Variants in C11orf42 observed in about 807,000 individuals in gnomAD.
C11orf42 encodes the protein uncharacterized protein C11orf42.
C11orf42 carries 24 observed loss-of-function variants against 27.9 expected under a neutral mutation model. That is an observed-to-expected ratio of 0.86 (90% CI 0.62 to 1.21). The LOEUF (loss-of-function observed/expected upper bound fraction) is 1.21. Among genes scored for constraint, C11orf42 ranks in the 50% most tolerant of loss-of-function variants. C11orf42 has a pLI of 0.00. For missense variants in C11orf42, 455 were observed against 424.1 expected, an observed-to-expected ratio of 1.07 and a Z score of -0.64; for synonymous variants, 187 against 180.8, an observed-to-expected ratio of 1.03 and a Z score of -0.28.
chr11:6,209,513 A>G (rs1311125966), intron 1 of C11orf42, among the ~76,000 whole-genome samples: 1 of 152,160 alleles, frequency 6.6e-6, no homozygotes, highest in East Asian at 1.9e-4. Context: ...CTTTCCATGA[A>G]AGGTAAAGAC....
rs778877180 is a variant in C11orf42 at position 6,210,865 on chromosome 11, A to G, written c.872-47A>G. 81 of 1,529,658 alleles carry G rather than the reference A, an allele frequency of 5.3e-5. No homozygotes were observed. Among genetic ancestry groups the G allele is most frequent in the Middle Eastern group, 2.3e-4 (1 of 4,340 alleles). The allele number at this position is 1,529,658 out of a possible 1,614,324, so 94.8% of individuals were successfully genotyped here. On this transcript the variant is annotated intron_variant, in intron 2 of 2. Coordinates refer to ENST00000316375, the MANE Select transcript of C11orf42 (RefSeq NM_173525.3). This position sits in a 1 kb window ranked among gnomAD's most constrained non-coding sequence, Gnocchi z 4.0. Reference sequence around the variant, plus strand: ...GACCAGAGGGAAAAGCTAGGGGGGGAAAAGACCAGCCATGAGTCAAGCTGT... The same window carrying G: ...GACCAGAGGGAAAAGCTAGGGGGGGGAAAGACCAGCCATGAGTCAAGCTGT...
At position 6,210,902 on chromosome 11, in the gene C11orf42, A is replaced by T; in HGVS notation, c.872-10A>T. On this transcript the variant is annotated splice_polypyrimidine_tract_variant and intron_variant, in intron 2 of 2. Transcript: ENST00000316375. This position sits in a 1 kb window ranked among gnomAD's most constrained non-coding sequence, Gnocchi z 4.0. The stretch of plus-strand genomic sequence containing the variant: ...ATGAGTCAAGCTGTGACTATCCCCA[A>T]CCCTGGCAGAGAACTGGCTCTTCAG... The T allele has an allele frequency of 1.9e-6, 3 of 1,599,344 alleles. No individual in the cohort carries two copies. In the South Asian group the frequency reaches 3.4e-5, roughly 18 times the overall value.
intron 1 of C11orf42, among the ~76,000 whole-genome samples, chr11:6,206,873 G>A (rs1798740202): frequency 6.6e-6 from 1 of 152,236 alleles, no homozygotes; most frequent in African/African-American, 2.4e-5. Context: ...TCGGGGTAGA[G>A]ATATGCAGGA....
rs373015994 is a variant in C11orf42 at position 6,210,556 on chromosome 11, C to T, written c.779C>T (p.Thr260Met). ...DVPPPVPAPP[T>M]PPPQEGPEDK... The stretch of plus-strand genomic sequence containing the variant: ...CCCCCACCTGTCCCAGCCCCACCTA[C>T]GCCACCTCCCCAGGAAGGGCCAGAG... The change falls in exon 2 of 3, where the codon ACG (threonine) becomes ATG (methionine). Residue 260 changes from threonine to methionine, a missense_variant. Thr to Met is a moderately conservative substitution (Grantham distance 81, BLOSUM62 -1). Coordinates refer to ENST00000316375, the MANE Select transcript of C11orf42 (RefSeq NM_173525.3). The surrounding 1 kb of genome is among the most constrained non-coding windows in gnomAD (Gnocchi z 4.0). The T allele has an allele frequency of 3.8e-5, 61 of 1,613,750 alleles. No homozygotes were observed. The highest frequency in any genetic ancestry group is 1.2e-4 in the Admixed American group (7 of 59,970).
In C11orf42 at chr11:6,210,384, C is replaced by G; in HGVS notation, c.607C>G (p.Gln203Glu). 6.2e-7 allele frequency: 1 copy of G among 1,614,226 alleles called. No individual in the cohort carries two copies. Among genetic ancestry groups the G allele is most frequent in the Non-Finnish European group, 8.5e-7 (1 of 1,180,042 alleles). ...CTTCTCCTGCCTCAAGTTTTCACTG[C>G]AGTCTAAGGGCGTGCTGGGACCACA... ...VAFSCLKFSL[Q>E]SKGVLGPQKP... Residue 203 changes from glutamine (Q) to glutamate (E), a missense_variant, in exon 2 of 3, where the codon CAG becomes GAG. Gln to Glu is a conservative substitution (Grantham distance 29). Transcript: ENST00000316375. This position sits in a 1 kb window ranked among gnomAD's most constrained non-coding sequence, Gnocchi z 4.0.
In C11orf42 at chr11:6,210,506, T is replaced by C; in HGVS notation, c.729T>C (p.Ala243=). The C allele has an allele frequency of 6.2e-7, 1 of 1,613,726 alleles. No homozygotes were observed. Among genetic ancestry groups the C allele is most frequent in the African/African-American group, 1.3e-5 (1 of 74,992 alleles). Residue 243 remains alanine, a synonymous_variant, in exon 2 of 3, where the codon GCT becomes GCC. Coordinates refer to ENST00000316375, the MANE Select transcript of C11orf42 (RefSeq NM_173525.3). This position sits in a 1 kb window ranked among gnomAD's most constrained non-coding sequence, Gnocchi z 4.0. ...CTCTGGCCCCCACATCAGCACCTGCTGATACAACTGAAGCTGCTGATGTGC... is the reference window on the plus strand; with the variant it reads ...CTCTGGCCCCCACATCAGCACCTGCCGATACAACTGAAGCTGCTGATGTGC... ...MPPLAPTSAP[A]DTTEAADVPP...
intron 1 of C11orf42, among the ~76,000 whole-genome samples, chr11:6,208,495 C>G (rs1449977886): frequency 6.6e-6 from 1 of 152,186 alleles, no homozygotes; most frequent in Non-Finnish European, 1.5e-5. Context: ...GGTGCCATCT[C>G]GGCTCACTGC....
chr11:6,207,621 G>T (rs1316646237), intron 1 of C11orf42, among the ~76,000 whole-genome samples: 1 of 152,122 alleles, frequency 6.6e-6, no homozygotes, highest in African/African-American at 2.4e-5. Context: ...CCTTCTCAGA[G>T]CCCCACCCAA....
chr11:6,209,730 A>G (rs940267289), intron 1 of C11orf42, 120 bp from the exon 2 acceptor site: 21 of 1,000,580 alleles, frequency 2.1e-5, no homozygotes, highest in Middle Eastern at 5.0e-4. Flanking sequence ...GTAAGCAGAA[A>G]GCATAAATCT....
chr11:6,208,037 A>G (rs1449104160), intron 1 of C11orf42, among the ~76,000 whole-genome samples: 1 of 152,186 alleles, frequency 6.6e-6, no homozygotes, highest in Admixed American at 6.5e-5. Context: ...TCCCTAGTAG[A>G]GCAGAGAACC....
chr11:6,205,746 G>C, intron 1 of C11orf42, 59 bp downstream of exon 1: 1 of 1,404,156 alleles, frequency 7.1e-7, no homozygotes, highest in Non-Finnish European at 1.0e-6. Context: ...ATGGGTCTCA[G>C]CAGCTTGTGA....
At position 6,210,811 on chromosome 11, in the gene C11orf42, C is replaced by A; in HGVS notation, c.872-101C>A. On this transcript the variant is annotated intron_variant, in intron 2 of 2. Transcript: ENST00000316375. The surrounding 1 kb of genome is among the most constrained non-coding windows in gnomAD (Gnocchi z 4.0). Reference sequence around the variant, plus strand: ...GGAGGGTGAGATGGAATGAGGAGGCCCTAGGAAGGGGATTGGGATGGCACA... The same window carrying A: ...GGAGGGTGAGATGGAATGAGGAGGCACTAGGAAGGGGATTGGGATGGCACA... 1.4e-6 allele frequency: 2 copies of A among 1,433,938 alleles called. No individual in the cohort carries two copies. Among genetic ancestry groups the A allele is most frequent in the Non-Finnish European group, 1.9e-6 (2 of 1,071,734 alleles). The allele number at this position is 1,433,938 out of a possible 1,614,324, so 88.8% of individuals were successfully genotyped here.
In C11orf42 at chr11:6,210,357, G is replaced by C; in HGVS notation, c.580G>C (p.Ala194Pro). ...CCGGCTACTTCGGTCATTACCTGTT[G>C]CCTTCTCCTGCCTCAAGTTTTCACT... Reference protein sequence around the residue: ...LLRLLRSLPVAFSCLKFSLQS... With the variant: ...LLRLLRSLPVPFSCLKFSLQS... Residue 194 changes from alanine (A) to proline (P), a missense_variant, in exon 2 of 3, where the codon GCC becomes CCC. Physicochemically the swap from Ala to Pro is conservative, Grantham distance 27 (BLOSUM62 -1). Coordinates refer to ENST00000316375, the MANE Select transcript of C11orf42 (RefSeq NM_173525.3). The surrounding 1 kb of genome is among the most constrained non-coding windows in gnomAD (Gnocchi z 4.0). The C allele has an allele frequency of 6.2e-7, 1 of 1,614,182 alleles. No homozygotes were observed. Among genetic ancestry groups the C allele is most frequent in the South Asian group, 1.1e-5 (1 of 91,084 alleles).
At chr11:6,207,516 T>C (rs527994935) in intron 1 of C11orf42, among the ~76,000 whole-genome samples, 1 of 152,348 alleles carries the variant, frequency 6.6e-6, no homozygotes, top group South Asian at 2.1e-4. Context: ...GATGTCATGC[T>C]TGGTGCCTCT....
rs1369184933 is a variant in C11orf42, at chr11:6,211,069, A to C, written c.*27A>C. The C allele has an allele frequency of 6.2e-7, 1 of 1,608,176 alleles. No homozygotes were observed. The highest frequency in any genetic ancestry group is 2.2e-5 in the East Asian group (1 of 44,754). On this transcript the variant is annotated 3_prime_UTR_variant, in exon 3 of 3. Transcript: ENST00000316375. ...GCTGAAGCAAAAGATTCCGGGGGCAAAGCCCCCAAGATCTGGCATAGGGGT... is the reference window on the plus strand; with the variant it reads ...GCTGAAGCAAAAGATTCCGGGGGCACAGCCCCCAAGATCTGGCATAGGGGT...
rs758661700 is a variant in C11orf42 at position 6,210,169 on chromosome 11, G to T, written c.392G>T (p.Arg131Leu). The T allele has an allele frequency of 2.5e-6, 4 of 1,614,208 alleles. No individual in the cohort carries two copies. The highest frequency in any genetic ancestry group is 3.4e-6 in the Non-Finnish European group (4 of 1,180,042). Residue 131 changes from arginine (R) to leucine (L), a missense_variant, in exon 2 of 3, where the codon CGC (arginine) becomes CTC (leucine). Transcript: ENST00000316375. This position sits in a 1 kb window ranked among gnomAD's most constrained non-coding sequence, Gnocchi z 4.0. ...CKIRLHMGDL[R>L]KKVAFLLLPP... ...ATCCGCCTACATATGGGTGACCTGC[G>T]CAAGAAGGTTGCCTTCCTGTTGCTG...
At chr11:6,206,962 G>GA (rs1846985323) in intron 1 of C11orf42, among the ~76,000 whole-genome samples, 1 of 152,172 alleles carries the variant, frequency 6.6e-6, no homozygotes, top group African/African-American at 2.4e-5. Context: ...CAAAACCACG[G>GA]ACAGTTTACT....
rs1554906868 is a variant in C11orf42 at position 6,208,209 on chromosome 11, C to CAAACCA, written c.73-1641_73-1640insAAACCA. ...ACAAACAAACAAACAAACAAACAAA[C>CAAACCA]CACACACACACACACACGATTAACT... On this transcript the variant is annotated intron_variant, in intron 1 of 2. Transcript: ENST00000316375. Among the ~76,000 whole-genome samples, 437 of 150,334 alleles carry CAAACCA rather than the reference C, an allele frequency of 2.9e-3. 1 individual carries two copies. Among genetic ancestry groups the CAAACCA allele is most frequent in the African/African-American group, 0.01 (426 of 40,868 alleles).
chr11:6,205,701 G>T lies in C11orf42; in HGVS notation c.72+14G>T. The stretch of plus-strand genomic sequence containing the variant: ...ATCAAGGATAAGGTAGGTAAAGTAA[G>T]GAGGCTAAAGAGGAAGCAACGAAGT... On this transcript the variant is annotated intron_variant, in intron 1 of 2. Transcript: ENST00000316375. The T allele has an allele frequency of 6.2e-7, 1 of 1,610,950 alleles. No individual in the cohort carries two copies. Among genetic ancestry groups the T allele is most frequent in the South Asian group, 1.1e-5 (1 of 90,922 alleles).
Sources: gnomAD v4.1 joint callset for allele counts (sites outside exome capture counted in the v4.1 genomes callset) on GRCh38, gnomAD v4.1.1 for gene constraint, Gnocchi (gnomAD v3.1) non-coding constraint, MANE v1.5 for transcripts, NCBI Gene and HGNC (gene_info 2026-07-23, HGNC 2026-07-21) for gene names.